Variants in PTPRD observed in about 807,000 individuals in gnomAD.
The protein encoded by PTPRD is receptor-type tyrosine-protein phosphatase delta.
PTPRD carries 34 observed loss-of-function variants against 214.5 expected under a neutral mutation model. The ratio of observed to expected loss-of-function variants is 0.16; its 90% CI spans 0.12 to 0.21. PTPRD has a LOEUF of 0.21. PTPRD is among the 10% of genes least tolerant of loss of function. The pLI is 1.00. For synonymous variants in PTPRD, 1,128 were observed against 845.7 expected (o/e 1.33, Z -5.79); for missense variants, 2,545 against 2,398.7 (o/e 1.06, Z -1.27).
chr9:9,653,927 G>A (rs1053195532), intron 7 of PTPRD, among the ~76,000 whole-genome samples: 5 of 152,024 alleles, frequency 3.3e-5, no homozygotes, highest in African/African-American at 7.2e-5. Context: ...GATGTTTCTG[G>A]TGGTTTTTAT....
chr9:8,321,886 A>G (rs1044384306), intron 44 of PTPRD, among the ~76,000 whole-genome samples: 4 of 151,978 alleles, frequency 2.6e-5, no homozygotes, highest in Non-Finnish European at 5.9e-5. Flanking sequence ...GTCTGTGTCA[A>G]TCTTGCATTG....
intron 2 of PTPRD, among the ~76,000 whole-genome samples, chr9:10,483,949 C>A (rs1819200304): frequency 1.3e-5 from 2 of 152,066 alleles, no homozygotes. Flanking sequence ...GGAATTAAAT[C>A]ATCATATCAA....
intron 3 of PTPRD, among the ~76,000 whole-genome samples, chr9:10,076,686 A>G (rs992500594): frequency 3.3e-5 from 5 of 152,138 alleles, no homozygotes; most frequent in African/African-American, 1.2e-4. Flanking sequence ...CCCAACCCTT[A>G]AAACTGAGCA....
chr9:10,279,284 T>C (rs773652202), intron 3 of PTPRD, among the ~76,000 whole-genome samples: 14 of 152,084 alleles, frequency 9.2e-5, no homozygotes, highest in Non-Finnish European at 1.5e-4. Context: ...GAGGAAAAAA[T>C]CAGATATCAC....
intron 2 of PTPRD, among the ~76,000 whole-genome samples, chr9:10,386,554 CT>C (rs2097917121): frequency 6.6e-6 from 1 of 151,794 alleles, no homozygotes; most frequent in African/African-American, 2.4e-5. Flanking sequence ...GGGAAAGACA[CT>C]TTTCTGTCTC....
intron 2 of PTPRD, among the ~76,000 whole-genome samples, chr9:10,365,592 G>T (rs565884322): frequency 6.6e-6 from 1 of 152,110 alleles, no homozygotes; most frequent in South Asian, 2.1e-4. Flanking sequence ...TATTTTCTGA[G>T]ACACTCCAGA....
chr9:10,125,299 T>C (rs2098807333), intron 3 of PTPRD, among the ~76,000 whole-genome samples: 1 of 151,944 alleles, frequency 6.6e-6, no homozygotes, highest in African/African-American at 2.4e-5. Context: ...ACTTACATGT[T>C]GTGCTATTTA....
chr9:8,600,063 C>A (rs890238091), intron 14 of PTPRD, among the ~76,000 whole-genome samples: 2 of 152,204 alleles, frequency 1.3e-5, no homozygotes, highest in Non-Finnish European at 2.9e-5. Flanking sequence ...CCCCTGGCTG[C>A]AGCCTGGTAG....
At chr9:8,876,367 C>T (rs2098390405) in intron 11 of PTPRD, among the ~76,000 whole-genome samples, 1 of 152,148 alleles carries the variant, frequency 6.6e-6, no homozygotes, top group South Asian at 2.1e-4. Context: ...CTATAATATA[C>T]TAAATGCCAG....
intron 45 of PTPRD, among the ~76,000 whole-genome samples, chr9:8,318,532 G>C (rs1044825600): frequency 6.6e-6 from 1 of 152,010 alleles, no homozygotes; most frequent in Non-Finnish European, 1.5e-5. Flanking sequence ...ACTTACATAT[G>C]ATGTTCATAT....
chr9:8,666,133 T>G (rs972420556), intron 12 of PTPRD, among the ~76,000 whole-genome samples: 5 of 152,284 alleles, frequency 3.3e-5, no homozygotes, highest in Middle Eastern at 3.4e-3. Flanking sequence ...TTGTCCATAT[T>G]TTTATACTAA....
intron 2 of PTPRD, among the ~76,000 whole-genome samples, chr9:10,427,750 A>G (rs1354293685): frequency 6.6e-6 from 1 of 152,052 alleles, no homozygotes; most frequent in African/African-American, 2.4e-5. Flanking sequence ...CAAAACAGAA[A>G]AATCAACCCA....
At chr9:9,194,030 C>T (rs555957252) in intron 9 of PTPRD, among the ~76,000 whole-genome samples, 1 of 152,184 alleles carries the variant, frequency 6.6e-6, no homozygotes, top group Admixed American at 6.5e-5. Context: ...ATCTTACGAG[C>T]TTTTCTGTAT....
intron 11 of PTPRD, among the ~76,000 whole-genome samples, chr9:8,977,721 T>A (rs1332941269): frequency 4.0e-5 from 6 of 150,406 alleles, no homozygotes; most frequent in African/African-American, 1.5e-4. Context: ...AAGAATCCCC[T>A]GGTACACAAC....
At chr9:8,976,291 T>C (rs2099267627) in intron 11 of PTPRD, among the ~76,000 whole-genome samples, 1 of 152,106 alleles carries the variant, frequency 6.6e-6, no homozygotes, top group Non-Finnish European at 1.5e-5. Context: ...TGCACATAGT[T>C]ATTAAGAAAT....
At chr9:10,192,786 C>T (rs1250447055) in intron 3 of PTPRD, among the ~76,000 whole-genome samples, 1 of 152,074 alleles carries the variant, frequency 6.6e-6, no homozygotes, top group East Asian at 1.9e-4. Context: ...CAAAAATAAG[C>T]TTAGCCTGAA....
chr9:9,784,147 T>C (rs2098895188), intron 5 of PTPRD, among the ~76,000 whole-genome samples: 1 of 152,166 alleles, frequency 6.6e-6, no homozygotes, highest in South Asian at 2.1e-4. Flanking sequence ...TTAATGTTTA[T>C]AAAAGTATTT....
At chr9:9,527,936 G>A (rs552856508) in intron 8 of PTPRD, among the ~76,000 whole-genome samples, 152 of 152,274 alleles carry the variant, frequency 1.0e-3, no homozygotes, top group Non-Finnish European at 1.6e-3. Flanking sequence ...ATGAAATAAC[G>A]CTTTTCAGGC....
At chr9:9,350,520 T>C (rs961680953) in intron 9 of PTPRD, among the ~76,000 whole-genome samples, 4 of 152,080 alleles carry the variant, frequency 2.6e-5, no homozygotes, top group African/African-American at 9.7e-5. Context: ...TCCCCTTTTG[T>C]GTCAACAATC....
Sources: allele counts gnomAD v4.1 joint callset (sites outside exome capture counted in the v4.1 genomes callset), GRCh38; gene constraint gnomAD v4.1.1; transcripts MANE v1.5; gene names NCBI Gene and HGNC (gene_info 2026-07-23, HGNC 2026-07-21).